Variants in KAT6A observed in about 807,000 individuals in gnomAD.
KAT6A encodes the protein histone acetyltransferase KAT6A.
A neutral mutation model predicts 198.4 loss-of-function variants in KAT6A; 9 were observed. The ratio of observed to expected loss-of-function variants is 0.05; its 90% confidence interval spans 0.03 to 0.08. The LOEUF (loss-of-function observed/expected upper bound fraction) is 0.08. KAT6A is among the 10% of genes least tolerant of loss of function. KAT6A has a pLI of 1.00. For synonymous variants in KAT6A, 890 were observed against 883.0 expected, an observed-to-expected ratio of 1.01 and a Z score of -0.14; for missense variants, 2,077 against 2,509.9, an observed-to-expected ratio of 0.83 and a Z score of 3.69.
chr8:41,935,995 C>T (rs1056580746), intron 16 of KAT6A, among the ~76,000 whole-genome samples: 2 of 152,200 alleles, frequency 1.3e-5, no homozygotes, highest in African/African-American at 4.8e-5. Context: ...GGCAGGGTGG[C>T]TCACACCTGT....
At chr8:42,004,779 T>C (rs899212946) in intron 2 of KAT6A, among the ~76,000 whole-genome samples, 2 of 151,880 alleles carry the variant, frequency 1.3e-5, no homozygotes, top group Non-Finnish European at 1.5e-5. Flanking sequence ...TACAAAAATA[T>C]TAGCCGGGTG....
chr8:42,038,247 G>A (rs1199011295), intron 2 of KAT6A, among the ~76,000 whole-genome samples: 1 of 152,088 alleles, frequency 6.6e-6, no homozygotes, highest in African/African-American at 2.4e-5. Flanking sequence ...CAGCATTAAG[G>A]TAGCTCAACA....
At chr8:41,941,802 T>C (rs1002445000) in intron 14 of KAT6A, among the ~76,000 whole-genome samples, 8 of 152,220 alleles carry the variant, frequency 5.3e-5, no homozygotes, top group African/African-American at 1.9e-4. Flanking sequence ...GTTCTGAATC[T>C]TTCTGCAGTA....
intron 8 of KAT6A, among the ~76,000 whole-genome samples, chr8:41,966,558 A>C (rs1442313497): frequency 6.6e-6 from 1 of 152,070 alleles, no homozygotes; most frequent in African/African-American, 2.4e-5. Flanking sequence ...ACTCCATCTG[A>C]TAAGCCCTAG....
intron 8 of KAT6A, among the ~76,000 whole-genome samples, chr8:41,971,730 T>C (rs1390241714): frequency 3.3e-5 from 5 of 150,886 alleles, no homozygotes; most frequent in South Asian, 2.1e-4. Context: ...ATGAAGAAAA[T>C]AGACTAGAGA....
chr8:41,950,732 T>C (rs935522086), intron 9 of KAT6A, among the ~76,000 whole-genome samples: 2 of 152,192 alleles, frequency 1.3e-5, no homozygotes, highest in African/African-American at 4.8e-5. Context: ...ATGCCAACTT[T>C]AAGGGCATCC....
At chr8:41,998,347 T>C (rs189221184) in intron 2 of KAT6A, among the ~76,000 whole-genome samples, 3 of 152,298 alleles carry the variant, frequency 2.0e-5, no homozygotes, top group Admixed American at 6.5e-5. Context: ...AGGAAACTCA[T>C]CCTTTGTTGG....
At chr8:42,015,594 A>G (rs566866679) in intron 2 of KAT6A, among the ~76,000 whole-genome samples, 5 of 152,240 alleles carry the variant, frequency 3.3e-5, no homozygotes, top group Non-Finnish European at 7.3e-5. Context: ...CAATGTATAG[A>G]TAAATTTCAA....
intron 8 of KAT6A, among the ~76,000 whole-genome samples, chr8:41,965,122 TC>T (rs1269502202): frequency 3.9e-5 from 6 of 152,168 alleles, no homozygotes; most frequent in African/African-American, 1.4e-4. Context: ...AGACAGGCAG[TC>T]CTTGTTTTTG....
At chr8:42,031,956 G>A (rs1213947798) in intron 2 of KAT6A, among the ~76,000 whole-genome samples, 1 of 149,840 alleles carries the variant, frequency 6.7e-6, no homozygotes, top group Non-Finnish European at 1.5e-5. Context: ...TTGAGACGGA[G>A]TCTCACTCTA....
At chr8:42,016,942 A>C (rs1826300450) in intron 2 of KAT6A, among the ~76,000 whole-genome samples, 1 of 152,178 alleles carries the variant, frequency 6.6e-6, no homozygotes, top group African/African-American at 2.4e-5. Flanking sequence ...TATTTTCCCC[A>C]AATTTTTATC....
chr8:41,936,723 A>G (rs1250339831), intron 16 of KAT6A, among the ~76,000 whole-genome samples: 1 of 152,244 alleles, frequency 6.6e-6, no homozygotes, highest in East Asian at 1.9e-4. Flanking sequence ...GTTGGGTAAG[A>G]CACATTAGAG....
At chr8:41,985,110 C>A (rs1169465415) in intron 3 of KAT6A, among the ~76,000 whole-genome samples, 1 of 152,070 alleles carries the variant, frequency 6.6e-6, no homozygotes, top group Non-Finnish European at 1.5e-5. Context: ...CACAACACTT[C>A]CTCTCCTCGG....
chr8:42,035,496 G>GT (rs1246427190), intron 2 of KAT6A, among the ~76,000 whole-genome samples: 2 of 152,290 alleles, frequency 1.3e-5, no homozygotes, highest in African/African-American at 2.4e-5. Flanking sequence ...CTAGAAAACA[G>GT]TAAGAAATGA....
chr8:41,962,603 C>G (rs941711411), intron 8 of KAT6A, among the ~76,000 whole-genome samples: 3 of 137,660 alleles, frequency 2.2e-5, no homozygotes, highest in Non-Finnish European at 4.8e-5. Context: ...TGTATACTGC[C>G]CCCCGCCCCC....
intron 8 of KAT6A, among the ~76,000 whole-genome samples, chr8:41,960,043 C>G (rs1314859757): frequency 1.3e-5 from 2 of 150,276 alleles, no homozygotes; most frequent in Non-Finnish European, 2.9e-5. Context: ...CTAAGTGAAA[C>G]AGCCAGACAC....
Position 41,933,256 on chromosome 8 carries a change from G to A in KAT6A, c.4964C>T (p.Pro1655Leu). ...SNQQQQPPPP[P>L]PQQPQPPPPQ... ...CGGCGGCGGCTGTGGCTGCTGTGGA[G>A]GCGGTGGTGGCGGCTGCTGCTGCTG... is the stretch of plus-strand genomic sequence containing the variant. The change falls in exon 17 of 17, where the codon CCT becomes CTT. Residue 1655 changes from proline (P) to leucine (L), a missense_variant. Coordinates refer to ENST00000265713, the MANE Select transcript of KAT6A (RefSeq NM_006766.5). This position sits in a 1 kb window ranked among gnomAD's most constrained non-coding sequence, Gnocchi z 6.2. 1 of 1,546,510 alleles carries A rather than the reference G, an allele frequency of 6.5e-7. No homozygotes were observed. Among genetic ancestry groups the A allele is most frequent in the Non-Finnish European group, 8.7e-7 (1 of 1,147,986 alleles).
intron 2 of KAT6A, among the ~76,000 whole-genome samples, chr8:41,992,257 G>T (rs1290047716): frequency 6.6e-6 from 1 of 152,014 alleles, no homozygotes; most frequent in Non-Finnish European, 1.5e-5. Flanking sequence ...ATAGTTGAAG[G>T]CATCACTGTG....
At chr8:41,987,700 G>C in intron 2 of KAT6A, 137 bp from the exon 3 acceptor site, 1 of 647,024 alleles carries the variant, frequency 1.5e-6, no homozygotes, top group Non-Finnish European at 2.7e-6. Flanking sequence ...TTCCAGCTAA[G>C]TAGGTGAGTT....
Sources: gnomAD v4.1 joint callset for allele counts (sites outside exome capture counted in the v4.1 genomes callset) on GRCh38, gnomAD v4.1.1 for gene constraint, Gnocchi (gnomAD v3.1) non-coding constraint, MANE v1.5 for transcripts, NCBI Gene and HGNC (gene_info 2026-07-23, HGNC 2026-07-21) for gene names.